ITGB1: variants seen among roughly 807,000 people sequenced by gnomAD.
ITGB1 encodes integrin subunit beta 1.
A neutral mutation model predicts 86.5 loss-of-function variants in ITGB1; 24 were observed. That is an observed-to-expected ratio of 0.28 (90% confidence interval 0.20 to 0.39). The LOEUF (loss-of-function observed/expected upper bound fraction) is 0.39, where lower values mean the gene tolerates loss of function less well. Ranked by LOEUF, ITGB1 falls within the 10% of genes least tolerant of loss-of-function variation. The probability of loss-of-function intolerance (pLI) is 1.00; values close to 1 mark genes in which losing one functional copy is unlikely to be tolerated. For missense variants in ITGB1, 556 were observed against 946.9 expected (o/e 0.59, Z 5.42); for synonymous variants, 323 against 316.8 (o/e 1.02, Z -0.21).
rs199879048 is a variant in ITGB1 at position 32,920,327 on chromosome 10, C to G, written c.1187G>C (p.Ser396Thr). Reference sequence around the variant, plus strand: ...CCCGTTCTTGCAGTAAGATTTGTAACTTATTGTTACGCCTTCTGACAATTT... The same window carrying G: ...CCCGTTCTTGCAGTAAGATTTGTAAGTTATTGTTACGCCTTCTGACAATTT... Reference protein sequence around the residue: ...NGKLSEGVTISYKSYCKNGVN... With the variant: ...NGKLSEGVTITYKSYCKNGVN... Residue 396 changes from serine to threonine, a missense_variant, in exon 10 of 16, where the codon AGT (serine) becomes ACT (threonine). Ser to Thr is a moderately conservative substitution (Grantham distance 58). Around this residue, in one of 4 missense-constraint regions of ITGB1, gnomAD observed 330 missense variants for 531.5 expected, o/e 0.62. Coordinates refer to ENST00000302278, the MANE Select transcript of ITGB1 (RefSeq NM_002211.4). 1 of 1,613,008 alleles carries G rather than the reference C, an allele frequency of 6.2e-7. No individual in the cohort carries two copies. Among genetic ancestry groups the G allele is most frequent in the Non-Finnish European group, 8.5e-7 (1 of 1,179,172 alleles).
intron 1 of ITGB1, 187 bp from the exon 2 acceptor site, chr10:32,935,745 G>T (rs997336046): frequency 7.1e-5 from 34 of 480,610 alleles, no homozygotes; most frequent in African/African-American, 5.8e-4. Context: ...CCCTCACCTT[G>T]CACCTACACT....
intron 1 of ITGB1, among the ~76,000 whole-genome samples, chr10:32,946,819 C>A (rs1366061397): frequency 6.9e-6 from 1 of 145,142 alleles, no homozygotes; most frequent in East Asian, 2.0e-4. Context: ...TCAAGATGAA[C>A]CAAGGTTTTT....
intron 1 of ITGB1, among the ~76,000 whole-genome samples, chr10:32,954,716 A>C (rs2095049022): frequency 6.6e-6 from 1 of 152,190 alleles, no homozygotes; most frequent in South Asian, 2.1e-4. Context: ...TCCTATAAGA[A>C]ATACATACAT....
chr10:32,925,737 T>C (rs1168712722), intron 6 of ITGB1, 134 bp downstream of exon 6: 1 of 673,766 alleles, frequency 1.5e-6, no homozygotes, highest in Non-Finnish European at 2.6e-6. Context: ...AAGGGTTTAC[T>C]TAAAATTACT....
chr10:32,918,841 A>G (rs2094940061), intron 11 of ITGB1, among the ~76,000 whole-genome samples: 1 of 152,152 alleles, frequency 6.6e-6, no homozygotes, highest in African/African-American at 2.4e-5. Context: ...GAAAAAAAAC[A>G]TACTGTGTAT....
intron 1 of ITGB1, among the ~76,000 whole-genome samples, chr10:32,943,932 G>A (rs1019576714): frequency 2.0e-4 from 30 of 152,182 alleles, no homozygotes; most frequent in East Asian, 3.9e-4. Context: ...GAAAGTCAAC[G>A]GGGAAATGGA....
chr10:32,906,709 C>A (rs1035899503), intron 15 of ITGB1: 1 of 229,184 alleles, frequency 4.4e-6, no homozygotes, highest in East Asian at 1.6e-4. Flanking sequence ...AGTGCATTTG[C>A]CAAATACAAC....
intron 11 of ITGB1, among the ~76,000 whole-genome samples, chr10:32,912,381 C>A (rs1308861520): frequency 6.6e-6 from 1 of 152,214 alleles, no homozygotes; most frequent in Non-Finnish European, 1.5e-5. Context: ...TCAAGGAATT[C>A]CCTTTCCTAG....
At position 32,917,534 on chromosome 10, in the gene ITGB1, A is replaced by G. The variant is rs1295832200; in HGVS notation, c.1469+2351T>C. Among the ~76,000 whole-genome samples, 5 of 152,222 alleles carry G rather than the reference A, an allele frequency of 3.3e-5. No individual in the cohort carries two copies. The East Asian group carries it at 9.6e-4, about 29-fold the overall frequency. On this transcript the variant is annotated intron_variant, in intron 11 of 15. Coordinates refer to ENST00000302278, the MANE Select transcript of ITGB1 (RefSeq NM_002211.4). ...AACCCCACCAAAAAGTGGGAGAAGGATATGAACAGACACTTCTCAAAAGGA... is the reference window on the plus strand; with the variant it reads ...AACCCCACCAAAAAGTGGGAGAAGGGTATGAACAGACACTTCTCAAAAGGA...
chr10:32,925,052 T>C (rs1018247597), intron 6 of ITGB1, among the ~76,000 whole-genome samples: 1 of 152,004 alleles, frequency 6.6e-6, no homozygotes, highest in Non-Finnish European at 1.5e-5. Context: ...TTAGCAAAAA[T>C]TGACTGAAAA....
chr10:32,951,403 GCAC>G (rs893526634), intron 1 of ITGB1, among the ~76,000 whole-genome samples: 5 of 151,290 alleles, frequency 3.3e-5, no homozygotes, highest in African/African-American at 1.2e-4. Context: ...AACTGGTACA[GCAC>G]CACCACCACC....
At chr10:32,919,641 C>T (rs71493152) in intron 11 of ITGB1, among the ~76,000 whole-genome samples, 2,899 of 152,250 alleles carry the variant, frequency 0.019, 37 homozygotes, top group Non-Finnish European at 0.03. Context: ...GTTGAATATA[C>T]TTCTTTCATG....
intron 6 of ITGB1, among the ~76,000 whole-genome samples, chr10:32,924,011 T>C (rs779942700): frequency 6.6e-6 from 1 of 152,190 alleles, no homozygotes; most frequent in Non-Finnish European, 1.5e-5. Context: ...TTTTGTTTGG[T>C]TTGGTTTAGT....
intron 11 of ITGB1, among the ~76,000 whole-genome samples, chr10:32,919,078 G>C (rs1285991028): frequency 6.6e-6 from 1 of 152,134 alleles, no homozygotes; most frequent in Admixed American, 6.5e-5. Context: ...ATTAAAACAG[G>C]ATATGTACAA....
chr10:32,921,637 T>A (rs1299098933), intron 9 of ITGB1, among the ~76,000 whole-genome samples: 1 of 152,192 alleles, frequency 6.6e-6, no homozygotes, highest in Non-Finnish European at 1.5e-5. Flanking sequence ...GTGATTAAAG[T>A]ACACTGAATT....
intron 15 of ITGB1, among the ~76,000 whole-genome samples, chr10:32,904,925 G>A (rs2094891974): frequency 6.6e-6 from 1 of 151,814 alleles, no homozygotes; most frequent in South Asian, 2.1e-4. Context: ...GAAAGGTACA[G>A]CAAGGGTGAA....
At chr10:32,914,935 T>C (rs1370586752) in intron 11 of ITGB1, among the ~76,000 whole-genome samples, 1 of 152,146 alleles carries the variant, frequency 6.6e-6, no homozygotes, top group Non-Finnish European at 1.5e-5. Context: ...CCTCAGCAAA[T>C]GTAAAATAAC....
rs560429383 is a variant in ITGB1, at chr10:32,913,337, A to C, written c.1470-1213T>G. Among the ~76,000 whole-genome samples the C allele has an allele frequency of 7.2e-5, 11 of 152,368 alleles. No individual in the cohort carries two copies. In the South Asian group the frequency reaches 1.9e-3, roughly 26 times the overall value. ...ATGACTTTGACAAGTTGAGAGAAGA[A>C]GGCTTCAGATAATCGGTAATAACAA... On this transcript the variant is annotated intron_variant, in intron 11 of 15. Transcript: ENST00000302278.
intron 13 of ITGB1, 127 bp downstream of exon 13, chr10:32,911,318 GCTT>G: frequency 1.4e-6 from 1 of 722,660 alleles, no homozygotes; most frequent in Non-Finnish European, 2.3e-6. Flanking sequence ...TAAAGAGTAG[GCTT>G]CCACATGGCA....
Sources: gnomAD v4.1 joint callset for allele counts (sites outside exome capture counted in the v4.1 genomes callset) on GRCh38, gnomAD v4.1.1 for gene constraint, gnomAD v4.1.1 regional missense constraint, MANE v1.5 for transcripts, NCBI Gene and HGNC (gene_info 2026-07-23, HGNC 2026-07-21) for gene names.